AKT3: variants seen among roughly 807,000 people sequenced by gnomAD.
AKT3 encodes the protein RAC-gamma serine/threonine-protein kinase.
In AKT3, 15 loss-of-function variants were observed where a neutral mutation model predicts 65.3. That is an observed-to-expected ratio of 0.23 (90% confidence interval 0.15 to 0.35). The LOEUF (loss-of-function observed/expected upper bound fraction) is 0.35, where lower values mean the gene tolerates loss of function less well. Among genes scored for constraint, AKT3 ranks in the 10% least tolerant of loss-of-function variants. The probability of loss-of-function intolerance (pLI) is 1.00; values close to 1 mark genes in which losing one functional copy is unlikely to be tolerated. For missense variants in AKT3, 243 were observed against 576.5 expected (o/e 0.42, Z 5.92); for synonymous variants, 206 against 183.8 (o/e 1.12, Z -0.98).
At chr1:243,689,437 T>C (rs866042299) in intron 3 of AKT3, among the ~76,000 whole-genome samples, 5 of 151,726 alleles carry the variant, frequency 3.3e-5, no homozygotes, top group South Asian at 2.1e-4. Flanking sequence ...AATCAACTGA[T>C]TTTTCTACAT....
chr1:243,772,429 T>C (rs1442320495), intron 2 of AKT3, among the ~76,000 whole-genome samples: 1 of 152,054 alleles, frequency 6.6e-6, no homozygotes, highest in Non-Finnish European at 1.5e-5. Flanking sequence ...AAAAGACATA[T>C]GAAAAAATGC....
intron 2 of AKT3, among the ~76,000 whole-genome samples, chr1:243,717,453 T>A (rs941549896): frequency 6.6e-6 from 1 of 152,204 alleles, no homozygotes; most frequent in Non-Finnish European, 1.5e-5. Context: ...TTTATCATTT[T>A]AAAAAATTAT....
intron 2 of AKT3, among the ~76,000 whole-genome samples, chr1:243,784,643 G>A (rs966208025): frequency 6.6e-6 from 1 of 152,186 alleles, no homozygotes; most frequent in East Asian, 1.9e-4. Context: ...CATGCCGGGT[G>A]ATACTGCCAG....
intron 2 of AKT3, among the ~76,000 whole-genome samples, chr1:243,807,189 G>A (rs945033177): frequency 6.6e-6 from 1 of 152,200 alleles, no homozygotes; most frequent in Non-Finnish European, 1.5e-5. Context: ...AGTGGGTGCA[G>A]GACAGGGGGT....
intron 1 of AKT3, among the ~76,000 whole-genome samples, chr1:243,847,381 T>C (rs181695290): frequency 1.5e-4 from 23 of 152,280 alleles, no homozygotes; most frequent in Non-Finnish European, 2.6e-4. Flanking sequence ...AGTGATTGCC[T>C]TACCTTCCCA....
intron 2 of AKT3, among the ~76,000 whole-genome samples, chr1:243,761,488 A>G (rs1379169268): frequency 6.6e-6 from 1 of 152,224 alleles, no homozygotes; most frequent in Non-Finnish European, 1.5e-5. Context: ...CTAAAAGACC[A>G]TCAATGGATA....
intron 2 of AKT3, chr1:243,741,909 C>A (rs1322745464): frequency 6.6e-6 from 1 of 151,880 alleles, no homozygotes; most frequent in Non-Finnish European, 1.5e-5. Flanking sequence ...TATTTTTATT[C>A]CAATTAGACT....
chr1:243,645,795 T>C, intron 5 of AKT3, 98 bp downstream of exon 5: 1 of 1,243,200 alleles, frequency 8.0e-7, no homozygotes, highest in Non-Finnish European at 1.1e-6. Context: ...TTACATATCG[T>C]AAGAAAACTG....
At chr1:243,745,783 C>A (rs537617156) in intron 2 of AKT3, among the ~76,000 whole-genome samples, 1 of 152,242 alleles carries the variant, frequency 6.6e-6, no homozygotes, top group Admixed American at 6.5e-5. Flanking sequence ...CCTGCTAAAC[C>A]ATTCTGCTGC....
intron 2 of AKT3, among the ~76,000 whole-genome samples, chr1:243,832,840 C>G (rs1336747652): frequency 2.6e-5 from 4 of 152,116 alleles, no homozygotes; most frequent in Non-Finnish European, 5.9e-5. Flanking sequence ...CTAAACATAT[C>G]TAAACATAGA....
intron 8 of AKT3, among the ~76,000 whole-genome samples, chr1:243,593,616 A>G (rs1298419357): frequency 6.6e-6 from 1 of 152,076 alleles, no homozygotes; most frequent in Non-Finnish European, 1.5e-5. Flanking sequence ...AAACCTGGGA[A>G]TAAACCTGGA....
At chr1:243,847,037 T>C (rs919769092) in intron 1 of AKT3, among the ~76,000 whole-genome samples, 4 of 152,178 alleles carry the variant, frequency 2.6e-5, no homozygotes, top group African/African-American at 9.6e-5. Context: ...ACAAAGTATT[T>C]GTTGTCGGAA....
chr1:243,789,977 G>A (rs1344015704), intron 2 of AKT3, among the ~76,000 whole-genome samples: 1 of 152,160 alleles, frequency 6.6e-6, no homozygotes, highest in Non-Finnish European at 1.5e-5. Context: ...AGTAAACCAT[G>A]CTATGAACAG....
At chr1:243,831,813 C>T (rs367941682) in intron 2 of AKT3, among the ~76,000 whole-genome samples, 3 of 152,120 alleles carry the variant, frequency 2.0e-5, no homozygotes, top group Non-Finnish European at 4.4e-5. Context: ...CCCCTCCCCC[C>T]CAACAAGATA....
chr1:243,661,097 AG>A (rs1287085416), intron 4 of AKT3, among the ~76,000 whole-genome samples: 1 of 152,200 alleles, frequency 6.6e-6, no homozygotes, highest in Non-Finnish European at 1.5e-5. Flanking sequence ...GCTCATGGGT[AG>A]GAAGAATCAA....
intron 2 of AKT3, among the ~76,000 whole-genome samples, chr1:243,699,126 C>A (rs1207301956): frequency 6.6e-6 from 1 of 152,174 alleles, no homozygotes; most frequent in East Asian, 1.9e-4. Flanking sequence ...GAACAAAGTA[C>A]ACTCCCTGCC....
At chr1:243,765,277 T>C (rs893637368) in intron 2 of AKT3, among the ~76,000 whole-genome samples, 1 of 151,900 alleles carries the variant, frequency 6.6e-6, no homozygotes, top group African/African-American at 2.4e-5. Flanking sequence ...TAAAAAGAAA[T>C]AGAAGTGACT....
intron 3 of AKT3, among the ~76,000 whole-genome samples, chr1:243,666,475 C>T (rs1319042999): frequency 6.6e-6 from 1 of 152,200 alleles, no homozygotes; most frequent in Admixed American, 6.5e-5. Flanking sequence ...CGTGTCTAAA[C>T]ACATAGTGAA....
At chr1:243,730,413 C>G (rs1687479109) in intron 2 of AKT3, among the ~76,000 whole-genome samples, 1 of 152,236 alleles carries the variant, frequency 6.6e-6, no homozygotes, top group African/African-American at 2.4e-5. Context: ...ACCCACCCAA[C>G]AGTGGGCATG....
Sources: gnomAD v4.1 joint callset for allele counts (sites outside exome capture counted in the v4.1 genomes callset) on GRCh38, gnomAD v4.1.1 for gene constraint, MANE v1.5 for transcripts, NCBI Gene and HGNC (gene_info 2026-07-23, HGNC 2026-07-21) for gene names.